Variants in SLC22A15 observed in about 807,000 individuals in gnomAD.
SLC22A15 encodes solute carrier family 22 member 15, also known as flipt 1.
In SLC22A15, 45 loss-of-function variants were observed where a neutral mutation model predicts 62.7. The ratio of observed to expected loss-of-function variants is 0.72; its 90% CI spans 0.56 to 0.92. SLC22A15 has a LOEUF of 0.92. Among genes scored for constraint, SLC22A15 ranks in the 40% least tolerant of loss-of-function variants. The pLI, the probability that SLC22A15 is intolerant of heterozygous loss-of-function variation, is 0.00. For synonymous variants in SLC22A15, 264 were observed against 267.0 expected (o/e 0.99, Z 0.11); for missense variants, 622 against 665.6 (o/e 0.93, Z 0.72).
chr1:116,018,010 T>C (rs1656623930), intron 2 of SLC22A15, among the ~76,000 whole-genome samples: 1 of 152,248 alleles, frequency 6.6e-6, no homozygotes, highest in Non-Finnish European at 1.5e-5. Flanking sequence ...GTCATAAATA[T>C]ACGTGATATA....
chr1:116,002,609 C>G (rs1655798142), intron 2 of SLC22A15, among the ~76,000 whole-genome samples: 1 of 151,338 alleles, frequency 6.6e-6, no homozygotes. Flanking sequence ...GCAGAAGGAG[C>G]CTTTGCCCAT....
Position 116,067,176 on chromosome 1 carries a change from C to A in SLC22A15, c.*68C>A. 1 of 1,185,432 alleles carries A rather than the reference C, an allele frequency of 8.4e-7. No homozygotes were observed. Among genetic ancestry groups the A allele is most frequent in the Admixed American group, 2.0e-5 (1 of 51,126 alleles). The allele number at this position is 1,185,432 out of a possible 1,614,324, so 73.4% of individuals were successfully genotyped here. ...TGCCTCTGGCTAAGGCAGGTTCTTC[C>A]ATGACTCCTAAGAGAGTTGTAAAAA... On this transcript the variant is annotated 3_prime_UTR_variant, in exon 12 of 12. Transcript: ENST00000369503.
Position 115,992,168 on chromosome 1 carries a change from G to A in SLC22A15, c.225G>A (p.Trp75Ter), listed in dbSNP as rs201824695. 23 of 1,612,278 alleles carry A rather than the reference G, an allele frequency of 1.4e-5. No individual in the cohort carries two copies. Reference sequence around the variant, plus strand: ...GTGAAGACCAGGCCTTTGGGGACTGGCTCCTGACAGCCAACGGCAGTGAGA... The same window carrying A: ...GTGAAGACCAGGCCTTTGGGGACTGACTCCTGACAGCCAACGGCAGTGAGA... Reference protein sequence around the residue: ...SAGEDQAFGDWLLTANGSEIH... With the variant: ...SAGEDQAFGD Residue 75 changes from tryptophan (W) to a stop codon, truncating the protein, a stop_gained, in exon 2 of 12, where the codon TGG (tryptophan) becomes TGA (stop). Coordinates refer to ENST00000369503, the MANE Select transcript of SLC22A15 (RefSeq NM_018420.3). LOFTEE classifies it high-confidence loss of function.
At chr1:115,987,558 A>G (rs1654934601) in intron 1 of SLC22A15, among the ~76,000 whole-genome samples, 1 of 152,190 alleles carries the variant, frequency 6.6e-6, no homozygotes, top group South Asian at 2.1e-4. Context: ...AATAGCTAGT[A>G]TTAGTAAGTC....
At chr1:116,055,497 T>A (rs1171725645) in intron 8 of SLC22A15, among the ~76,000 whole-genome samples, 1 of 149,262 alleles carries the variant, frequency 6.7e-6, no homozygotes, top group African/African-American at 2.5e-5. Flanking sequence ...CTGGTACCAT[T>A]CCTTCTGAAA....
chr1:116,060,785 G>A (rs1658361526), intron 8 of SLC22A15, among the ~76,000 whole-genome samples: 1 of 152,164 alleles, frequency 6.6e-6, no homozygotes, highest in African/African-American at 2.4e-5. Context: ...TGAAAGACAT[G>A]ATTCTTTATC....
At chr1:116,023,788 G>A (rs1282289150) in intron 4 of SLC22A15, among the ~76,000 whole-genome samples, 1 of 152,206 alleles carries the variant, frequency 6.6e-6, no homozygotes, top group African/African-American at 2.4e-5. Context: ...ACCTCGATGT[G>A]GGTGTTTGAT....
At position 116,053,092 on chromosome 1, in the gene SLC22A15, G is replaced by A. The variant is rs1483588770; in HGVS notation, c.1172-9670G>A. 9.2e-5 allele frequency among the ~76,000 whole-genome samples: 14 copies of A among 152,286 alleles called. No individual in the cohort carries two copies. The East Asian group carries it at 9.6e-4, about 10-fold the overall frequency. ...GATGAGTTGAGAGAAGGCTTTAGAC[G>A]ATCAAACTACTCTGAGCTACAGGAG... On this transcript the variant is annotated intron_variant, in intron 8 of 11. Coordinates refer to ENST00000369503, the MANE Select transcript of SLC22A15 (RefSeq NM_018420.3).
chr1:116,007,188 A>G (rs1656025058), intron 2 of SLC22A15, among the ~76,000 whole-genome samples: 1 of 152,204 alleles, frequency 6.6e-6, no homozygotes, highest in Non-Finnish European at 1.5e-5. Flanking sequence ...AGTGACCCTC[A>G]GTCTCCAGCA....
At chr1:116,036,519 T>C (rs1011480045) in intron 7 of SLC22A15, among the ~76,000 whole-genome samples, 9 of 152,166 alleles carry the variant, frequency 5.9e-5, no homozygotes, top group African/African-American at 2.2e-4. Context: ...AGACCTGAAT[T>C]CAGATCTAGT....
intron 1 of SLC22A15, among the ~76,000 whole-genome samples, chr1:115,991,433 G>A (rs1003136927): frequency 6.6e-6 from 1 of 152,132 alleles, no homozygotes; most frequent in African/African-American, 2.4e-5. Flanking sequence ...CTATAGCTGG[G>A]ACTTTGAATT....
rs756433247 is a variant in SLC22A15, at chr1:116,031,536, G to A, written c.899G>A (p.Arg300His). The A allele has an allele frequency of 2.5e-6, 4 of 1,613,922 alleles. No homozygotes were observed. Among genetic ancestry groups the A allele is most frequent in the South Asian group, 1.1e-5 (1 of 91,078 alleles). Residue 300 changes from arginine to histidine, a missense_variant, in exon 6 of 12, where the codon CGT becomes CAT. Physicochemically the swap from Arg to His is conservative, Grantham distance 29. Transcript: ENST00000369503. ...RETGSFLDLF[R>H]YRVLLGHTLI... ...ACTGGAAGTTTCCTGGATCTCTTTC[G>A]TTACCGGGTCCTGTTAGGACACACT...
chr1:115,997,247 G>A (rs1006753369), intron 2 of SLC22A15, among the ~76,000 whole-genome samples: 1 of 151,950 alleles, frequency 6.6e-6, no homozygotes, highest in Non-Finnish European at 1.5e-5. Context: ...TGTTGTTGTT[G>A]TTGTTGTTGT....
intron 8 of SLC22A15, among the ~76,000 whole-genome samples, chr1:116,040,534 C>G (rs1334077314): frequency 1.3e-5 from 2 of 152,338 alleles, no homozygotes; most frequent in Non-Finnish European, 1.5e-5. Flanking sequence ...AAGTAAGTAG[C>G]ACATCCGGGA....
At chr1:116,053,246 A>G (rs1658111002) in intron 8 of SLC22A15, among the ~76,000 whole-genome samples, 2 of 152,254 alleles carry the variant, frequency 1.3e-5, no homozygotes, top group Non-Finnish European at 1.5e-5. Context: ...CTCGAGAACC[A>G]CATGAAGAAT....
Position 116,069,067 on chromosome 1 carries a change from C to CA in SLC22A15, c.*1960dup. ...AATTGGGAGTCCATCTCTCTATTGG[C>CA]ACTGGGTTCGATTGCCTCTGGCTAA... is the stretch of plus-strand genomic sequence containing the variant. On this transcript the variant is annotated 3_prime_UTR_variant, in exon 12 of 12. Coordinates refer to ENST00000369503, the MANE Select transcript of SLC22A15 (RefSeq NM_018420.3). 1 of 152,152 alleles carries CA rather than the reference C, an allele frequency of 6.6e-6. No individual in the cohort carries two copies. The highest frequency in any genetic ancestry group is 1.5e-5 in the Non-Finnish European group (1 of 68,022). 9.4% of individuals were successfully genotyped at this position (152,152 alleles called of 1,614,324 possible). A position where few individuals can be genotyped will look rare whatever the true frequency, so the allele number is the denominator to read the frequency against.
intron 1 of SLC22A15, among the ~76,000 whole-genome samples, chr1:115,989,617 C>A (rs770489582): frequency 3.9e-5 from 6 of 151,962 alleles, no homozygotes; most frequent in Non-Finnish European, 8.8e-5. Flanking sequence ...CTCGTCTCTA[C>A]TAAAAATACA....
At chr1:115,981,695 T>A (rs367956580) in intron 1 of SLC22A15, among the ~76,000 whole-genome samples, 1 of 152,214 alleles carries the variant, frequency 6.6e-6, no homozygotes, top group Non-Finnish European at 1.5e-5. Context: ...CCTTTGAGCC[T>A]GGATGTCTCA....
At position 116,015,936 on chromosome 1, in the gene SLC22A15, G is replaced by A. The variant is rs144057523; in HGVS notation, c.301-3646G>A. ...TTTTTAGACCTGGTAAAATGTTACC[G>A]TAAGCATTCCTCATGAGTCAAAAAT... On this transcript the variant is annotated intron_variant, in intron 2 of 11. Coordinates refer to ENST00000369503, the MANE Select transcript of SLC22A15 (RefSeq NM_018420.3). Among the ~76,000 whole-genome samples, 20 of 152,160 alleles carry A rather than the reference G, an allele frequency of 1.3e-4. No individual in the cohort carries two copies. In the East Asian group the frequency reaches 1.4e-3, roughly 10 times the overall value.
Sources: allele counts gnomAD v4.1 joint callset (sites outside exome capture counted in the v4.1 genomes callset), GRCh38; gene constraint gnomAD v4.1.1; transcripts MANE v1.5; gene names NCBI Gene and HGNC (gene_info 2026-07-23, HGNC 2026-07-21).